Variants in EVC2 observed in about 807,000 individuals in gnomAD.
The protein encoded by EVC2 is EvC ciliary complex subunit 2, also known as limbin.
In EVC2, 148 loss-of-function variants were observed where a neutral mutation model predicts 149.3. The observed-to-expected ratio is 0.99, with a 90% CI of 0.87 to 1.14. The LOEUF is 1.14. EVC2 is among the 50% of genes most tolerant of loss of function. The pLI is 0.00. For missense variants in EVC2, 1,854 were observed against 1,627.3 expected, an observed-to-expected ratio of 1.14 and a Z score of -2.40; for synonymous variants, 776 against 649.9, an observed-to-expected ratio of 1.19 and a Z score of -2.95.
In EVC2 at chr4:5,579,166, G is replaced by C. The variant is rs573279785; in HGVS notation, c.3058-2712C>G. Among the ~76,000 whole-genome samples the C allele has an allele frequency of 1.2e-4, 18 of 152,244 alleles. No homozygotes were observed. In the South Asian group the frequency reaches 1.5e-3, roughly 12 times the overall value. On this transcript the variant is annotated intron_variant, in intron 17 of 21. Coordinates refer to ENST00000344408, the MANE Select transcript of EVC2 (RefSeq NM_147127.5). ...ATCCCCTTGGCCACCGTGCAGGGGG[G>C]TAACTAGAGTAGGGAGAAAGGGAGG...
rs930385582 is a variant in EVC2 at position 5,633,004 on chromosome 4, G to A, written c.1471-972C>T. Reference sequence around the variant, plus strand: ...GCAAAGCTGAGGGTGTCTTGATGATGTAATTAAGGTCACTAATCAGTTGAC... The same window carrying A: ...GCAAAGCTGAGGGTGTCTTGATGATATAATTAAGGTCACTAATCAGTTGAC... On this transcript the variant is annotated intron_variant, in intron 10 of 21. Coordinates refer to ENST00000344408, the MANE Select transcript of EVC2 (RefSeq NM_147127.5). This position sits in a 1 kb window ranked among gnomAD's most constrained non-coding sequence, Gnocchi z 4.4. 6.6e-6 allele frequency among the ~76,000 whole-genome samples: 1 copy of A among 152,200 alleles called. No homozygotes were observed. Among genetic ancestry groups the A allele is most frequent in the Non-Finnish European group, 1.5e-5 (1 of 68,034 alleles).
chr4:5,639,009 C>G (rs1270083833), intron 10 of EVC2, among the ~76,000 whole-genome samples: 2 of 152,108 alleles, frequency 1.3e-5, no homozygotes, highest in Non-Finnish European at 2.9e-5. Flanking sequence ...ACAGGAGAAC[C>G]TAAAATGAGA....
intron 21 of EVC2, among the ~76,000 whole-genome samples, chr4:5,543,557 C>A (rs139300159): frequency 2.0e-5 from 3 of 152,172 alleles, no homozygotes; most frequent in Admixed American, 2.0e-4. Flanking sequence ...AAATAAAAAC[C>A]AGTTTCCTAG....
intron 16 of EVC2, among the ~76,000 whole-genome samples, chr4:5,600,056 A>AG (rs1713848167): frequency 6.6e-6 from 1 of 152,188 alleles, no homozygotes; most frequent in Non-Finnish European, 1.5e-5. Context: ...CAAAGAAATG[A>AG]GGGGCATCCC....
intron 21 of EVC2, among the ~76,000 whole-genome samples, chr4:5,554,849 T>G (rs987909943): frequency 2.0e-5 from 3 of 152,232 alleles, no homozygotes; most frequent in Non-Finnish European, 4.4e-5. Flanking sequence ...ACAAGCCAAC[T>G]ATTAACTCTA....
At chr4:5,597,271 G>T (rs1313491462) in intron 16 of EVC2, among the ~76,000 whole-genome samples, 3 of 152,080 alleles carry the variant, frequency 2.0e-5, no homozygotes, top group Non-Finnish European at 4.4e-5. Flanking sequence ...CCAAAAAAGA[G>T]AATTTTAGAC....
intron 6 of EVC2, among the ~76,000 whole-genome samples, chr4:5,683,748 TC>T (rs1185017218): frequency 7.0e-6 from 1 of 143,018 alleles, no homozygotes; most frequent in African/African-American, 2.5e-5. Context: ...ACCACAAACC[TC>T]CCCCTGCTCA....
chr4:5,694,412 G>T lies in EVC2; in HGVS notation c.373C>A (p.His125Asn), dbSNP rs766231079. 1.7e-5 allele frequency: 28 copies of T among 1,614,048 alleles called. No individual in the cohort carries two copies. The East Asian group carries it at 6.2e-4, about 36-fold the overall frequency. ...TSAASSGPWA[H>N]SLFAFIPSWP... ...GAGGGTATAAAAGCAAATAAGGAAT[G>T]AGCCCATGGCCCACTAGAGGCTGCA... Residue 125 changes from histidine (H) to asparagine (N), a missense_variant, in exon 3 of 22, where the codon CAT becomes AAT. Transcript: ENST00000344408.
intron 2 of EVC2, 146 bp downstream of exon 2, chr4:5,697,447 G>C (rs1364607056): frequency 1.3e-6 from 1 of 794,456 alleles, no homozygotes; most frequent in Non-Finnish European, 2.1e-6. Context: ...CCCTAGTTCT[G>C]TAAGGTCAGG....
chr4:5,662,523 T>G (rs1718955415), intron 9 of EVC2, among the ~76,000 whole-genome samples: 4 of 143,750 alleles, frequency 2.8e-5, no homozygotes, highest in Admixed American at 1.4e-4. Context: ...AATATTAATA[T>G]TAAATATATT....
At chr4:5,709,130 G>C (rs1577285970), upstream of EVC2, 1 of 153,054 alleles carries the variant, frequency 6.5e-6, no homozygotes, top group East Asian at 1.9e-4. Context: ...TTCCCAGTGG[G>C]AAACAGGCCA....
chr4:5,586,677 T>C (rs1712309250), intron 16 of EVC2, among the ~76,000 whole-genome samples: 1 of 152,218 alleles, frequency 6.6e-6, no homozygotes, highest in Non-Finnish European at 1.5e-5. Context: ...AGATGTTCCT[T>C]TCTATTGACA....
At chr4:5,634,398 A>G (rs907030227) in intron 10 of EVC2, among the ~76,000 whole-genome samples, 2 of 152,192 alleles carry the variant, frequency 1.3e-5, no homozygotes, top group Admixed American at 6.5e-5. Context: ...TTCATCCATC[A>G]AAGCGACCTT....
chr4:5,683,067 T>G (rs1443728384), intron 6 of EVC2, among the ~76,000 whole-genome samples: 1 of 152,214 alleles, frequency 6.6e-6, no homozygotes, highest in Non-Finnish European at 1.5e-5. Flanking sequence ...CCAAATCCAC[T>G]GTGGGCCAGC....
chr4:5,615,694 A>G, intron 15 of EVC2, 150 bp from the exon 16 acceptor site: 2 of 1,165,520 alleles, frequency 1.7e-6, no homozygotes, highest in Admixed American at 3.5e-5. Context: ...GGAGAGAGGT[A>G]TGTTCTTCTG....
At chr4:5,704,107 A>G (rs567765593) in intron 1 of EVC2, among the ~76,000 whole-genome samples, 2 of 152,246 alleles carry the variant, frequency 1.3e-5, no homozygotes, top group African/African-American at 4.8e-5. Flanking sequence ...TGAGTGGCAT[A>G]ATAGCCATTT....
intron 10 of EVC2, among the ~76,000 whole-genome samples, chr4:5,639,499 G>C (rs1327427137): frequency 6.6e-6 from 1 of 152,236 alleles, no homozygotes; most frequent in Non-Finnish European, 1.5e-5. Flanking sequence ...TGTGAGCTGA[G>C]AGCCTTCTGC....
rs570856821 is a variant in EVC2, at chr4:5,614,614, C to T, written c.2829+808G>A. Among the ~76,000 whole-genome samples the T allele has an allele frequency of 6.6e-6, 1 of 152,236 alleles. No individual in the cohort carries two copies. The highest frequency in any genetic ancestry group is 6.5e-5 in the Admixed American group (1 of 15,296). ...GTAAATAGAGGTGGAAAAGTAATTCCACAAAGACAGAAGAATACAGATTAA... is the reference window on the plus strand; with the variant it reads ...GTAAATAGAGGTGGAAAAGTAATTCTACAAAGACAGAAGAATACAGATTAA... On this transcript the variant is annotated intron_variant, in intron 16 of 21. Transcript: ENST00000344408. The surrounding 1 kb of genome is among the most constrained non-coding windows in gnomAD (Gnocchi z 4.7).
chr4:5,596,353 C>A (rs1013908670), intron 16 of EVC2, among the ~76,000 whole-genome samples: 3 of 152,098 alleles, frequency 2.0e-5, no homozygotes, highest in Non-Finnish European at 2.9e-5. Flanking sequence ...AAAGATCAGA[C>A]ATTATAACAA....
Sources: allele counts gnomAD v4.1 joint callset (sites outside exome capture counted in the v4.1 genomes callset), GRCh38; gene constraint gnomAD v4.1.1; non-coding constraint Gnocchi (gnomAD v3.1); transcripts MANE v1.5; gene names NCBI Gene and HGNC (gene_info 2026-07-23, HGNC 2026-07-21).